Variants in PPP1R13B observed in about 807,000 individuals in gnomAD.
PPP1R13B encodes apoptosis-stimulating of p53 protein 1.
PPP1R13B carries 44 observed loss-of-function variants against 119.8 expected under a neutral mutation model. The ratio of observed to expected loss-of-function variants is 0.37; its 90% CI spans 0.29 to 0.47. The LOEUF (loss-of-function observed/expected upper bound fraction) is 0.47, where lower values mean the gene tolerates loss of function less well. Among genes scored for constraint, PPP1R13B ranks in the 20% least tolerant of loss-of-function variants. PPP1R13B has a pLI of 0.99. For missense variants in PPP1R13B, 1,227 were observed against 1,413.5 expected (o/e 0.87, Z 2.12); for synonymous variants, 542 against 561.5 (o/e 0.97, Z 0.49).
intron 1 of PPP1R13B, chr14:103,839,968 T>C (rs1172760150): frequency 6.6e-6 from 1 of 152,250 alleles, no homozygotes; most frequent in African/African-American, 2.4e-5. Context: ...ATATTTCAAA[T>C]GTCATAAATT....
rs191481600 is a variant in PPP1R13B, at chr14:103,778,205, C to T, written c.354+540G>A. Among the ~76,000 whole-genome samples, 543 of 135,102 alleles carry T rather than the reference C, an allele frequency of 4.0e-3. 4 individuals carry two copies. The highest frequency in any genetic ancestry group is 0.015 in the African/African-American group (519 of 33,588). 88.6% of individuals were successfully genotyped at this position (135,102 alleles called of 152,430 possible). On this transcript the variant is annotated intron_variant, in intron 4 of 16. Coordinates refer to ENST00000202556, the MANE Select transcript of PPP1R13B (RefSeq NM_015316.3). ...CTGACCTCAGGGGATCTGCCCGCCT[C>T]GGCCTCCCAAAATGCTGGGATTTAC...
intron 12 of PPP1R13B, 44 bp downstream of exon 12, chr14:103,739,780 G>T (rs1391916897): frequency 1.3e-6 from 2 of 1,540,604 alleles, no homozygotes; most frequent in African/African-American, 1.4e-5. Context: ...CTGGTTGCAT[G>T]AATGACCAGG....
At chr14:103,745,006 GCTGGCTGTGCTAATTAC>G (rs1310170152) in intron 9 of PPP1R13B, among the ~76,000 whole-genome samples, 1 of 152,248 alleles carries the variant, frequency 6.6e-6, no homozygotes, top group African/African-American at 2.4e-5. Flanking sequence ...CAGAGAAGTA[GCTGGCTGTGCTAATTAC>G]CTCCCACTGG....
At chr14:103,746,217 C>A (rs1211394726) in intron 9 of PPP1R13B, among the ~76,000 whole-genome samples, 156 bp downstream of exon 9, 1 of 152,224 alleles carries the variant, frequency 6.6e-6, no homozygotes, top group Admixed American at 6.5e-5. Flanking sequence ...CACAGGGGAA[C>A]ACAGCTCTCC....
At chr14:103,745,795 G>GT (rs950351881) in intron 9 of PPP1R13B, among the ~76,000 whole-genome samples, 20 of 152,124 alleles carry the variant, frequency 1.3e-4, no homozygotes, top group African/African-American at 3.6e-4. Flanking sequence ...TCGTGGGTCA[G>GT]TTTTTTTTGT....
intron 2 of PPP1R13B, among the ~76,000 whole-genome samples, chr14:103,792,975 G>A (rs1423705895): frequency 6.6e-6 from 1 of 151,834 alleles, no homozygotes; most frequent in Non-Finnish European, 1.5e-5. Context: ...GGGAGGCTGA[G>A]GCAGGAGAAT....
At chr14:103,795,086 T>A (rs12147741) in intron 2 of PPP1R13B, among the ~76,000 whole-genome samples, 1 of 151,932 alleles carries the variant, frequency 6.6e-6, no homozygotes, top group African/African-American at 2.4e-5. Context: ...TATAGGCGTG[T>A]GCCACCATGC....
intron 1 of PPP1R13B, among the ~76,000 whole-genome samples, chr14:103,799,607 C>T (rs545557663): frequency 7.3e-6 from 1 of 136,942 alleles, no homozygotes; most frequent in Admixed American, 7.8e-5. Context: ...GCCACTGTGC[C>T]GGGTTTTTTG....
intron 8 of PPP1R13B, chr14:103,747,402 C>G (rs2084413003): frequency 6.6e-6 from 1 of 152,188 alleles, no homozygotes; most frequent in South Asian, 2.1e-4. Context: ...TGGAATGAAT[C>G]TAGCTGTTTG....
chr14:103,847,252 C>A (rs1351975748), intron 1 of PPP1R13B, 47 bp downstream of exon 1: 1 of 1,164,932 alleles, frequency 8.6e-7, no homozygotes, highest in Non-Finnish European at 1.1e-6. Context: ...GTTTGGCCAG[C>A]GGCCCGCGGA....
At chr14:103,764,580 G>A (rs2084893806) in intron 4 of PPP1R13B, 1 of 186,538 alleles carries the variant, frequency 5.4e-6, no homozygotes. Context: ...ACCCTGTTAA[G>A]TTGATATGAA....
intron 1 of PPP1R13B, among the ~76,000 whole-genome samples, chr14:103,799,631 T>TTA (rs1555442830): frequency 6.6e-6 from 1 of 151,270 alleles, no homozygotes; most frequent in African/African-American, 2.4e-5. Flanking sequence ...TTTTTTTTTT[T>TTA]AATTTCAAAA....
Position 103,784,903 on chromosome 14 carries a change from G to A in PPP1R13B, c.169C>T (p.Pro57Ser). ...TGTTCGTACATCATATGATCAAAGG[G>A]TATGGGACGTTCTAGGAAAAAGACC... is the stretch of plus-strand genomic sequence containing the variant. ...EVWRGNERPI[P>S]FDHMMYEHLQ... Residue 57 changes from proline to serine, a missense_variant, in exon 3 of 17, where the codon CCC (proline) becomes TCC (serine). By Grantham distance (74) the Pro-to-Ser change is moderately conservative (BLOSUM62 -1). Coordinates refer to ENST00000202556, the MANE Select transcript of PPP1R13B (RefSeq NM_015316.3). 2 of 1,572,178 alleles carry A rather than the reference G, an allele frequency of 1.3e-6. No homozygotes were observed. Among genetic ancestry groups the A allele is most frequent in the Non-Finnish European group, 1.7e-6 (2 of 1,148,474 alleles).
At chr14:103,736,396 T>A (rs2084113068) in intron 15 of PPP1R13B, 194 bp from the exon 16 acceptor site, 1 of 612,010 alleles carries the variant, frequency 1.6e-6, no homozygotes. Flanking sequence ...GCCCAGCTGC[T>A]GCTCCTGCTG....
intron 1 of PPP1R13B, among the ~76,000 whole-genome samples, chr14:103,839,193 T>C (rs2086845899): frequency 6.6e-6 from 1 of 152,010 alleles, no homozygotes; most frequent in Non-Finnish European, 1.5e-5. Flanking sequence ...TTTGTATTTT[T>C]AGTAGAGACG....
intron 1 of PPP1R13B, among the ~76,000 whole-genome samples, chr14:103,820,259 A>G (rs1323091821): frequency 6.6e-6 from 1 of 152,178 alleles, no homozygotes; most frequent in Non-Finnish European, 1.5e-5. Flanking sequence ...AAACACAGGA[A>G]AGCCCCAGCT....
chr14:103,841,878 A>G lies in PPP1R13B; in HGVS notation c.9+5421T>C, dbSNP rs143189109. On this transcript the variant is annotated intron_variant, in intron 1 of 16. Transcript: ENST00000202556. Reference sequence around the variant, plus strand: ...TGCAAGTATCTGCTATAAATCAGCTACTGGACCAACCATAAATGCCTGAAA... The same window carrying G: ...TGCAAGTATCTGCTATAAATCAGCTGCTGGACCAACCATAAATGCCTGAAA... Among the ~76,000 whole-genome samples, 318 of 152,314 alleles carry G rather than the reference A, an allele frequency of 2.1e-3. 2 individuals carry two copies. The highest frequency in any genetic ancestry group is 6.8e-3 in the African/African-American group (281 of 41,578).
At chr14:103,816,505 G>A (rs1360294216) in intron 1 of PPP1R13B, among the ~76,000 whole-genome samples, 3 of 150,284 alleles carry the variant, frequency 2.0e-5, no homozygotes, top group Non-Finnish European at 4.4e-5. Flanking sequence ...TGGCCAACAC[G>A]GTGAAACCCC....
intron 6 of PPP1R13B, 86 bp from the exon 7 acceptor site, chr14:103,753,282 A>T: frequency 7.5e-7 from 1 of 1,339,758 alleles, no homozygotes; most frequent in African/African-American, 1.5e-5. Context: ...TAATTCTAGT[A>T]TCATTTAGTG....
Sources: gnomAD v4.1 joint callset for allele counts (sites outside exome capture counted in the v4.1 genomes callset) on GRCh38, gnomAD v4.1.1 for gene constraint, MANE v1.5 for transcripts, NCBI Gene and HGNC (gene_info 2026-07-23, HGNC 2026-07-21) for gene names.